The following TTC39A variants were observed in gnomAD, a reference collection of about 807,000 sequenced individuals.
TTC39A encodes the protein tetratricopeptide repeat domain 39A, also known as tetratricopeptide repeat protein 39A.
Under a neutral mutation model 82.3 loss-of-function variants are expected in TTC39A, and 46 were observed. The ratio of observed to expected loss-of-function variants is 0.56; its 90% confidence interval spans 0.44 to 0.71. The LOEUF (loss-of-function observed/expected upper bound fraction) is 0.71. Among genes scored for constraint, TTC39A ranks in the 30% least tolerant of loss-of-function variants. TTC39A has a pLI of 0.00. For synonymous variants in TTC39A, 254 were observed against 275.2 expected (o/e 0.92, Z 0.76); for missense variants, 543 against 712.9 (o/e 0.76, Z 2.71).
Position 51,290,123 on chromosome 1 carries a change from A to G in TTC39A, c.1379-4T>C, listed in dbSNP as rs757556113. The G allele has an allele frequency of 1.2e-6, 2 of 1,611,862 alleles. No individual in the cohort carries two copies. The highest frequency in any genetic ancestry group is 1.7e-6 in the Non-Finnish European group (2 of 1,178,950). ...TCATCCACTGAGTACTCGTTCTCTG[A>G]AAATAGGGATGTGAGGGAAAAAGAC... is the stretch of plus-strand genomic sequence containing the variant. On this transcript the variant is annotated splice_polypyrimidine_tract_variant and splice_region_variant and intron_variant, in intron 15 of 17. Coordinates refer to ENST00000680483, the MANE Select transcript of TTC39A (RefSeq NM_001297663.2).
intron 12 of TTC39A, chr1:51,301,243 T>C: frequency 4.3e-6 from 1 of 234,242 alleles, no homozygotes; most frequent in Non-Finnish European, 8.4e-6. Flanking sequence ...ACTAGGCACA[T>C]TTCATGTGCT....
rs1645856564 is a variant in TTC39A at position 51,330,276 on chromosome 1, G to GGCA, written c.41+158_41+160dup. On this transcript the variant is annotated intron_variant, in intron 1 of 17. Transcript: ENST00000680483. This position sits in a 1 kb window ranked among gnomAD's most constrained non-coding sequence, Gnocchi z 4.5. The stretch of plus-strand genomic sequence containing the variant: ...CTCACAGCCCCCTGCCCCCACTCCT[G>GGCA]GCAGCGGCGGCGGCTGCCAGGGGCC... The GGCA allele has an allele frequency of 8.4e-6, 8 of 956,718 alleles. No individual in the cohort carries two copies. The Admixed American group carries it at 4.9e-4, about 59-fold the overall frequency. The allele number at this position is 956,718 out of a possible 1,614,324, so 59.3% of individuals were successfully genotyped here.
chr1:51,334,911 T>G (rs1645955935), upstream of TTC39A: 1 of 152,302 alleles, frequency 6.6e-6, no homozygotes, highest in Non-Finnish European at 1.5e-5. Flanking sequence ...AGGCCGTTCC[T>G]GGCCCCCAGG....
chr1:51,303,435 C>T (rs1644754894), intron 8 of TTC39A, among the ~76,000 whole-genome samples: 1 of 152,234 alleles, frequency 6.6e-6, no homozygotes, highest in Non-Finnish European at 1.5e-5. Flanking sequence ...TGTCCCCCAC[C>T]TTCTCCACAG....
chr1:51,321,295 T>C lies in TTC39A; in HGVS notation c.146+426A>G, dbSNP rs1645508417. ...AAGGAGTATACGCCCATTATTGATTTGTATTTACAGAAACATGGCAGTGAG... is the reference window on the plus strand; with the variant it reads ...AAGGAGTATACGCCCATTATTGATTCGTATTTACAGAAACATGGCAGTGAG... On this transcript the variant is annotated intron_variant, in intron 2 of 17. Transcript: ENST00000680483. This position sits in a 1 kb window ranked among gnomAD's most constrained non-coding sequence, Gnocchi z 4.6. 6.6e-6 allele frequency among the ~76,000 whole-genome samples: 1 copy of C among 152,234 alleles called. No individual in the cohort carries two copies.
At chr1:51,331,360 C>A, upstream of TTC39A, 2 of 1,494,340 alleles carry the variant, frequency 1.3e-6, no homozygotes, top group Non-Finnish European at 1.8e-6. Flanking sequence ...AAGCCACTGG[C>A]CCATGAAGAG....
chr1:51,308,615 T>G (rs1319942117), intron 6 of TTC39A, among the ~76,000 whole-genome samples: 1 of 152,238 alleles, frequency 6.6e-6, no homozygotes, highest in East Asian at 1.9e-4. Flanking sequence ...AGAGCTTTTG[T>G]TGCTGTGGGA....
chr1:51,308,684 A>G (rs1320921920), intron 6 of TTC39A, among the ~76,000 whole-genome samples: 1 of 152,250 alleles, frequency 6.6e-6, no homozygotes, highest in Non-Finnish European at 1.5e-5. Context: ...CGGAATCTTC[A>G]TTCATAAACA....
chr1:51,306,016 A>G lies in TTC39A; in HGVS notation c.549T>C (p.Phe183=). 1 of 1,613,984 alleles carries G rather than the reference A, an allele frequency of 6.2e-7. No individual in the cohort carries two copies. The highest frequency in any genetic ancestry group is 8.5e-7 in the Non-Finnish European group (1 of 1,179,872). The change falls in exon 7 of 18, where the codon TTT becomes TTC. Residue 183 remains phenylalanine, a synonymous_variant. Transcript: ENST00000680483. ...CTACACCAAGCTTCACTCCTCCTTC[A>G]AAGTGCGGGTGGTTCTCACCCTTGC... The part of the protein sequence containing the change: ...QYCKGENHPH[F]EGGVKLGVGA...
upstream of TTC39A, chr1:51,330,648 G>T: frequency 1.3e-5 from 13 of 979,878 alleles, no homozygotes; most frequent in Non-Finnish European, 1.6e-5. The surrounding 1 kb of genome is among the most constrained non-coding windows in gnomAD (Gnocchi z 4.5). Flanking sequence ...CTCCCCACCC[G>T]CACCGTAGGG....
intron 2 of TTC39A, among the ~76,000 whole-genome samples, chr1:51,315,129 G>A (rs1645236917): frequency 6.6e-6 from 1 of 152,084 alleles, no homozygotes; most frequent in African/African-American, 2.4e-5. Context: ...AGCCCCACCT[G>A]TGGAAACTTG....
intron 8 of TTC39A, among the ~76,000 whole-genome samples, chr1:51,303,912 A>T (rs1402109308): frequency 6.6e-6 from 1 of 152,212 alleles, no homozygotes; most frequent in Non-Finnish European, 1.5e-5. Flanking sequence ...CAAAACTGAA[A>T]GAGACCTTCA....
chr1:51,342,620 C>G (rs780226814), intron 1 of TTC39A, among the ~76,000 whole-genome samples: 1 of 152,144 alleles, frequency 6.6e-6, no homozygotes, highest in Non-Finnish European at 1.5e-5. Context: ...GAGGGTGGAG[C>G]GGTCACAGGG....
At chr1:51,299,672 G>C (rs1644576503) in intron 12 of TTC39A, 4 of 152,484 alleles carry the variant, frequency 2.6e-5, no homozygotes, top group Admixed American at 2.0e-4. Context: ...CAGATTTCCT[G>C]ACAGCTGGGA....
In TTC39A at chr1:51,323,553, A is replaced by G. The variant is rs112627169; in HGVS notation, c.42-1728T>C. Among the ~76,000 whole-genome samples, 1,154 of 152,112 alleles carry G rather than the reference A, an allele frequency of 7.6e-3. 16 individuals carry two copies. Among genetic ancestry groups the G allele is most frequent in the African/African-American group, 0.026 (1,072 of 41,474 alleles). ...CTTCTCTGTTAGACCTTTTTATTCCATATTTCATGTCTCTTAACTAACTTC... is the reference window on the plus strand; with the variant it reads ...CTTCTCTGTTAGACCTTTTTATTCCGTATTTCATGTCTCTTAACTAACTTC... On this transcript the variant is annotated intron_variant, in intron 1 of 17. Transcript: ENST00000680483.
chr1:51,306,560 T>A (rs1158130530), intron 6 of TTC39A, among the ~76,000 whole-genome samples: 1 of 152,168 alleles, frequency 6.6e-6, no homozygotes, highest in East Asian at 1.9e-4. Context: ...CACCCCTAGC[T>A]GAAAACCACT....
chr1:51,312,747 A>G lies in TTC39A; in HGVS notation c.278+65T>C, dbSNP rs1645131405. 20 of 1,578,170 alleles carry G rather than the reference A, an allele frequency of 1.3e-5. No homozygotes were observed. In the South Asian group the frequency reaches 2.0e-4, roughly 16 times the overall value. ...CGAATAGTGGCATGTTAGGCCCTGG[A>G]ATGGGCCAGGGTGACAGCAGGGTGG... is the stretch of plus-strand genomic sequence containing the variant. On this transcript the variant is annotated intron_variant, in intron 3 of 17. Transcript: ENST00000680483.
chr1:51,296,486 G>C (rs72906143), intron 12 of TTC39A, among the ~76,000 whole-genome samples: 2,451 of 152,360 alleles, frequency 0.016, 73 homozygotes, highest in African/African-American at 0.057. Context: ...GGAAGCAACA[G>C]CTTCACAGTG....
intron 2 of TTC39A, among the ~76,000 whole-genome samples, chr1:51,316,265 G>A (rs144096825): frequency 2.6e-5 from 4 of 152,246 alleles, no homozygotes; most frequent in African/African-American, 4.8e-5. Flanking sequence ...GAGTCATAGC[G>A]TGACCTTGTC....
Sources: allele counts gnomAD v4.1 joint callset (sites outside exome capture counted in the v4.1 genomes callset), GRCh38; gene constraint gnomAD v4.1.1; non-coding constraint Gnocchi (gnomAD v3.1); transcripts MANE v1.5; gene names NCBI Gene and HGNC (gene_info 2026-07-23, HGNC 2026-07-21).